EML4: variants seen among roughly 807,000 people sequenced by gnomAD.
EML4 encodes the protein echinoderm microtubule-associated protein-like 4.
In EML4, 72 loss-of-function variants were observed where a neutral mutation model predicts 129.0. That is an observed-to-expected ratio of 0.56 (90% CI 0.46 to 0.68). The LOEUF is 0.68. EML4 is among the 30% of genes least tolerant of loss of function. The probability of loss-of-function intolerance (pLI) is 0.00; values close to 1 mark genes in which losing one functional copy is unlikely to be tolerated. For missense variants in EML4, 1,363 were observed against 1,190.6 expected, an observed-to-expected ratio of 1.14 and a Z score of -2.13; for synonymous variants, 532 against 405.0, an observed-to-expected ratio of 1.31 and a Z score of -3.77.
chr2:42,218,576 A>G (rs767327457), intron 1 of EML4, among the ~76,000 whole-genome samples: 1 of 152,122 alleles, frequency 6.6e-6, no homozygotes, highest in African/African-American at 2.4e-5. Context: ...TCTCATGTAT[A>G]TGGATCTTCC....
At chr2:42,304,610 G>C (rs1668488371) in intron 17 of EML4, 59 bp downstream of exon 17, 2 of 1,258,686 alleles carry the variant, frequency 1.6e-6, no homozygotes, top group Admixed American at 3.4e-5. Flanking sequence ...ATGCTATTCA[G>C]GAATGTTCTC....
At chr2:42,273,623 G>T (rs1164982451) in intron 6 of EML4, among the ~76,000 whole-genome samples, 1 of 151,934 alleles carries the variant, frequency 6.6e-6, no homozygotes, top group Admixed American at 6.6e-5. Flanking sequence ...AAAAATTCAG[G>T]AAATTTTATC....
intron 1 of EML4, among the ~76,000 whole-genome samples, chr2:42,173,952 CTA>C (rs1670425192): frequency 6.6e-6 from 1 of 152,190 alleles, no homozygotes. Context: ...GAATGCTGTG[CTA>C]TGTTTCAAGC....
chr2:42,325,994 T>G (rs973853902), intron 20 of EML4, 160 bp from the exon 21 acceptor site: 1 of 706,786 alleles, frequency 1.4e-6, no homozygotes, highest in Non-Finnish European at 1.7e-6. Context: ...ATAAACCCTG[T>G]TAAAGTGAAC....
intron 17 of EML4, among the ~76,000 whole-genome samples, chr2:42,314,184 C>A (rs1358197915): frequency 6.6e-6 from 1 of 152,074 alleles, no homozygotes; most frequent in Non-Finnish European, 1.5e-5. Context: ...CATGGTAAAA[C>A]CCTGTCTCTA....
intron 1 of EML4, among the ~76,000 whole-genome samples, chr2:42,242,205 A>G (rs1675083205): frequency 6.6e-6 from 1 of 152,166 alleles, no homozygotes; most frequent in African/African-American, 2.4e-5. Flanking sequence ...ATAATTAAGC[A>G]GGTTATATGT....
At chr2:42,276,433 T>G (rs1666660946) in intron 6 of EML4, among the ~76,000 whole-genome samples, 1 of 152,216 alleles carries the variant, frequency 6.6e-6, no homozygotes, top group Admixed American at 6.5e-5. Context: ...TTCTCTCATT[T>G]TCATTTCCTG....
intron 14 of EML4, among the ~76,000 whole-genome samples, chr2:42,301,869 C>T (rs1668305865): frequency 6.6e-6 from 1 of 152,064 alleles, no homozygotes. Context: ...CAACTTCCAT[C>T]ACTGTTTTCT....
intron 11 of EML4, among the ~76,000 whole-genome samples, chr2:42,292,711 A>G (rs1239300452): frequency 1.3e-5 from 2 of 152,170 alleles, no homozygotes; most frequent in African/African-American, 4.8e-5. Context: ...AATTTATAAA[A>G]CTTTATTGAG....
Position 42,325,602 on chromosome 2 carries a change from TTA to T in EML4, c.2242+84_2242+85del, listed in dbSNP as rs10530482. On this transcript the variant is annotated intron_variant, in intron 20 of 22. Transcript: ENST00000318522. ...ATATATATATATGCTATGATTATAT[TTA>T]TATATATATATATATATATATATAT... 3.1e-3 allele frequency: 405 copies of T among 129,256 alleles called. 7 individuals are homozygous for T. The highest frequency in any genetic ancestry group is 7.1e-3 in the African/African-American group (241 of 34,092). The allele number at this position is 129,256 out of a possible 1,614,324, so 8.0% of individuals were successfully genotyped here. A position where few individuals can be genotyped will look rare whatever the true frequency, so the allele number is the denominator to read the frequency against.
At chr2:42,313,192 G>A (rs1669057544) in intron 17 of EML4, among the ~76,000 whole-genome samples, 1 of 151,412 alleles carries the variant, frequency 6.6e-6, no homozygotes, top group South Asian at 2.1e-4. Context: ...TCCTGACCTC[G>A]TGATCCGCCT....
Position 42,169,532 on chromosome 2 carries a change from C to A in EML4, c.-80C>A. 1.3e-6 allele frequency: 2 copies of A among 1,516,270 alleles called. No homozygotes were observed. The highest frequency in any genetic ancestry group is 2.0e-5 in the Admixed American group (1 of 50,750). The allele number at this position is 1,516,270 out of a possible 1,614,324, so 93.9% of individuals were successfully genotyped here. A position where few individuals can be genotyped will look rare whatever the true frequency, so the allele number is the denominator to read the frequency against. On this transcript the variant is annotated 5_prime_UTR_variant, in exon 1 of 23. Transcript: ENST00000318522. ...CGACCTAGAGAACGAGCGGGTCAGG[C>A]TCAGCGTCGGCCACTCTGTCGGTCC...
chr2:42,288,868 T>C (rs559609426), intron 11 of EML4: 11 of 132,936 alleles, frequency 8.3e-5, no homozygotes, highest in African/African-American at 3.1e-4. Flanking sequence ...AAGAGAAGAA[T>C]GTAAAATGCA....
At chr2:42,307,251 T>C (rs891324263) in intron 17 of EML4, among the ~76,000 whole-genome samples, 1 of 152,244 alleles carries the variant, frequency 6.6e-6, no homozygotes, top group Non-Finnish European at 1.5e-5. Context: ...TGTGAAGTCA[T>C]CATTGACAAG....
At chr2:42,329,141 A>G in intron 22 of EML4, 125 bp downstream of exon 22, 1 of 912,422 alleles carries the variant, frequency 1.1e-6, no homozygotes, top group Non-Finnish European at 1.6e-6. Context: ...AGAGGGAGAT[A>G]AGGGCCATCG....
At position 42,303,181 on chromosome 2, in the gene EML4, C is replaced by T. The variant is rs1224862796; in HGVS notation, c.1719C>T (p.Asn573=). 6.2e-7 allele frequency: 1 copy of T among 1,613,976 alleles called. No individual in the cohort carries two copies. The highest frequency in any genetic ancestry group is 8.5e-7 in the Non-Finnish European group (1 of 1,180,014). ...AATTTTTAGTAGGCACATCACGAAA[C>T]TTTATTTTACGAGGAACATTTAATG... ...ADQFLVGTSR[N]FILRGTFNDG... The change falls in exon 15 of 23, where the codon AAC becomes AAT. Residue 573 remains asparagine (N), a synonymous_variant. Transcript: ENST00000318522.
intron 1 of EML4, among the ~76,000 whole-genome samples, chr2:42,179,486 C>T (rs1335470005): frequency 1.3e-5 from 2 of 152,114 alleles, no homozygotes; most frequent in Non-Finnish European, 2.9e-5. Flanking sequence ...TAACTGTCTT[C>T]AGGTTATGTA....
intron 2 of EML4, among the ~76,000 whole-genome samples, chr2:42,254,422 C>T (rs1386583304): frequency 2.0e-5 from 3 of 148,586 alleles, no homozygotes; most frequent in Admixed American, 6.7e-5. Context: ...TGTGACATGG[C>T]ACTCCAGCCT....
intron 21 of EML4, among the ~76,000 whole-genome samples, chr2:42,327,897 T>G: frequency 6.6e-6 from 1 of 152,248 alleles, no homozygotes; most frequent in East Asian, 1.9e-4. Context: ...ATCATAGATC[T>G]GAACATTTCT....
Sources: allele counts gnomAD v4.1 joint callset (sites outside exome capture counted in the v4.1 genomes callset), GRCh38; gene constraint gnomAD v4.1.1; transcripts MANE v1.5; gene names NCBI Gene and HGNC (gene_info 2026-07-23, HGNC 2026-07-21).